Variants in LIMA1 observed in about 807,000 individuals in gnomAD.
LIMA1 encodes LIM domain and actin binding 1.
LIMA1 carries 52 observed loss-of-function variants against 62.6 expected under a neutral mutation model. The observed-to-expected ratio is 0.83, with a 90% CI of 0.67 to 1.05. The LOEUF (loss-of-function observed/expected upper bound fraction) is 1.05, where lower values mean the gene tolerates loss of function less well. LIMA1 is among the 50% of genes least tolerant of loss of function. The pLI is 0.00. For missense variants in LIMA1, 780 were observed against 902.2 expected, an observed-to-expected ratio of 0.86 and a Z score of 1.74; for synonymous variants, 302 against 317.8, an observed-to-expected ratio of 0.95 and a Z score of 0.53.
At chr12:50,178,097 C>T (rs1940397681) in intron 10 of LIMA1, 28 bp from the exon 11 acceptor site, 8 of 1,402,738 alleles carry the variant, frequency 5.7e-6, no homozygotes, top group Non-Finnish European at 7.5e-6. Context: ...AAAGCATAAA[C>T]TTAGCAAATC....
At chr12:50,260,250 T>C (rs1942049127) in intron 1 of LIMA1, among the ~76,000 whole-genome samples, 1 of 151,730 alleles carries the variant, frequency 6.6e-6, no homozygotes, top group South Asian at 2.1e-4. Context: ...TGGGTTCAAG[T>C]GATTCTCCTG....
intron 4 of LIMA1, among the ~76,000 whole-genome samples, chr12:50,211,665 A>G (rs1941259631): frequency 6.6e-6 from 1 of 152,094 alleles, no homozygotes; most frequent in African/African-American, 2.4e-5. Context: ...AAACAAACAA[A>G]CAAACAAAAA....
chr12:50,263,873 AT>A (rs1942106537), intron 1 of LIMA1, among the ~76,000 whole-genome samples: 1 of 128,302 alleles, frequency 7.8e-6, no homozygotes, highest in Non-Finnish European at 1.6e-5. Context: ...ATATATATAT[AT>A]ATAAAGTATA....
chr12:50,195,872 T>A lies in LIMA1; in HGVS notation c.988A>T (p.Asn330Tyr). 6.3e-7 allele frequency: 1 copy of A among 1,578,372 alleles called. No individual in the cohort carries two copies. The highest frequency in any genetic ancestry group is 1.2e-5 in the South Asian group (1 of 85,258). ...GGGGTGGAACGGACTGCCAGGCTAT[T>A]CTCATTTGCAGAAATCTACAAAAAA... ...QEGEKISANE[N>Y]SLAVRSTPAE... Residue 330 changes from asparagine (N) to tyrosine (Y), a missense_variant, in exon 8 of 11, where the codon AAT (asparagine) becomes TAT (tyrosine). Coordinates refer to ENST00000341247, the MANE Select transcript of LIMA1 (RefSeq NM_016357.5).
chr12:50,176,848 T>G lies in LIMA1; in HGVS notation c.*216A>C, dbSNP rs962624512. On this transcript the variant is annotated 3_prime_UTR_variant, in exon 11 of 11. Coordinates refer to ENST00000341247, the MANE Select transcript of LIMA1 (RefSeq NM_016357.5). ...CTTATGCATATCATCACTGCTAAAA[T>G]GAAGAATTTAAGTAAAGTTATCTCT... 2.1e-6 allele frequency: 1 copy of G among 478,836 alleles called. No individual in the cohort carries two copies. The highest frequency in any genetic ancestry group is 3.6e-6 in the Non-Finnish European group (1 of 274,756). 29.7% of individuals were successfully genotyped at this position (478,836 alleles called of 1,614,324 possible). A position where few individuals can be genotyped will look rare whatever the true frequency, so the allele number is the denominator to read the frequency against.
intron 9 of LIMA1, 89 bp from the exon 10 acceptor site, chr12:50,182,126 G>A: frequency 7.1e-7 from 1 of 1,416,952 alleles, no homozygotes; most frequent in East Asian, 2.3e-5. Context: ...TTGTCTAAGG[G>A]CTCCCTTAGC....
At chr12:50,272,163 G>T (rs11169348) in intron 1 of LIMA1, among the ~76,000 whole-genome samples, 55,956 of 151,834 alleles carry the variant, frequency 0.37, 11,009 homozygotes, top group South Asian at 0.49. Context: ...ATGATGTGCT[G>T]TTTTTCAGGA....
rs1201955140 is a variant in LIMA1 at position 50,176,450 on chromosome 12, G to A, written c.*614C>T. On this transcript the variant is annotated 3_prime_UTR_variant, in exon 11 of 11. Coordinates refer to ENST00000341247, the MANE Select transcript of LIMA1 (RefSeq NM_016357.5). ...CAATTGCCTCAAAAAGTGCTCTGTT[G>A]TATTATACCTCAGGACGTCGAGTTC... The A allele has an allele frequency of 1.3e-5, 2 of 152,228 alleles. No homozygotes were observed. Among genetic ancestry groups the A allele is most frequent in the Non-Finnish European group, 2.9e-5 (2 of 68,066 alleles). The allele number at this position is 152,228 out of a possible 1,614,324, so 9.4% of individuals were successfully genotyped here. A position where few individuals can be genotyped will look rare whatever the true frequency, so the allele number is the denominator to read the frequency against.
At chr12:50,238,707 G>A (rs1489099025) in intron 2 of LIMA1, among the ~76,000 whole-genome samples, 1 of 150,424 alleles carries the variant, frequency 6.6e-6, no homozygotes, top group Non-Finnish European at 1.5e-5. Context: ...AAAATTAGCT[G>A]GGTGTGGTGG....
intron 1 of LIMA1, among the ~76,000 whole-genome samples, chr12:50,278,274 T>A (rs922304682): frequency 2.6e-5 from 4 of 151,176 alleles, no homozygotes; most frequent in Admixed American, 6.6e-5. Context: ...AAAAAAAAAA[T>A]AGCCAGGTGT....
chr12:50,264,120 C>T (rs557043854), intron 1 of LIMA1, among the ~76,000 whole-genome samples: 9 of 151,870 alleles, frequency 5.9e-5, no homozygotes, highest in African/African-American at 2.2e-4. Context: ...CCACAAAAGA[C>T]CATTTACTGT....
At chr12:50,232,666 G>GC (rs1011111648) in intron 2 of LIMA1, among the ~76,000 whole-genome samples, 1 of 150,784 alleles carries the variant, frequency 6.6e-6, no homozygotes, top group African/African-American at 2.4e-5. Flanking sequence ...ACCAGGCCCA[G>GC]CCCCCCAGCC....
intron 9 of LIMA1, among the ~76,000 whole-genome samples, chr12:50,190,682 ATTTTTTTTTTTTTTTTTTTTTTTTT>A (rs762182699): frequency 3.2e-5 from 3 of 93,058 alleles, no homozygotes; most frequent in Non-Finnish European, 6.6e-5. Context: ...ACCCGGCCTC[ATTTTTTTTTTTTTTTTTTTTTTTTT>A]TTTTTTTTTT....
intron 5 of LIMA1, 115 bp downstream of exon 5, chr12:50,205,869 C>A (rs979102038): frequency 1.2e-5 from 6 of 494,350 alleles, no homozygotes; most frequent in African/African-American, 2.0e-5. Context: ...AATAGGCAGA[C>A]TTCCTTTTAA....
rs116624970 is a variant in LIMA1, at chr12:50,264,314, C to A, written c.-23-15540G>T. Among the ~76,000 whole-genome samples, 612 of 152,188 alleles carry A rather than the reference C, an allele frequency of 4.0e-3. 5 individuals carry two copies. Among genetic ancestry groups the A allele is most frequent in the African/African-American group, 0.014 (573 of 41,532 alleles). On this transcript the variant is annotated intron_variant, in intron 1 of 10. Transcript: ENST00000341247. ...GGTGATGGCTGCACAACTGTGTGAC[C>A]ATATTAAAACCGCTGAACTGAGCAT...
intron 4 of LIMA1, among the ~76,000 whole-genome samples, chr12:50,211,793 A>AAC (rs6144709): frequency 0.061 from 9,240 of 150,750 alleles, 305 homozygotes; most frequent in African/African-American, 0.092. Flanking sequence ...AGGAACACAA[A>AAC]ACACACACAC....
At chr12:50,202,642 A>C (rs1941074468) in intron 6 of LIMA1, among the ~76,000 whole-genome samples, 1 of 152,218 alleles carries the variant, frequency 6.6e-6, no homozygotes, top group Non-Finnish European at 1.5e-5. Flanking sequence ...ATCTCTTCTT[A>C]AAACATAAAG....
intron 1 of LIMA1, among the ~76,000 whole-genome samples, chr12:50,274,360 C>T (rs764641031): frequency 2.6e-5 from 4 of 152,110 alleles, no homozygotes; most frequent in Non-Finnish European, 5.9e-5. Flanking sequence ...CCAAGGCAGG[C>T]GGATAATGAG....
intron 1 of LIMA1, among the ~76,000 whole-genome samples, chr12:50,255,390 A>G (rs1214428400): frequency 6.6e-6 from 1 of 151,686 alleles, no homozygotes; most frequent in African/African-American, 2.4e-5. Flanking sequence ...CCCTGTCTCT[A>G]CAAAGAAAAA....
Sources: allele counts gnomAD v4.1 joint callset (sites outside exome capture counted in the v4.1 genomes callset), GRCh38; gene constraint gnomAD v4.1.1; transcripts MANE v1.5; gene names NCBI Gene and HGNC (gene_info 2026-07-23, HGNC 2026-07-21).